DMRT1: variants seen among roughly 807,000 people sequenced by gnomAD.
DMRT1 encodes the protein doublesex- and mab-3-related transcription factor 1.
Under a neutral mutation model 32.3 loss-of-function variants are expected in DMRT1, and 7 were observed. That is an observed-to-expected ratio of 0.22 (90% CI 0.12 to 0.41). DMRT1 has a LOEUF of 0.41. DMRT1 is among the 10% of genes least tolerant of loss of function. DMRT1 has a pLI of 1.00. For missense variants in DMRT1, 625 were observed against 500.5 expected (o/e 1.25, Z -2.37); for synonymous variants, 278 against 206.1 (o/e 1.35, Z -2.99).
chr9:957,708 T>C (rs1819642967), intron 4 of DMRT1, among the ~76,000 whole-genome samples: 1 of 152,244 alleles, frequency 6.6e-6, no homozygotes, highest in Admixed American at 6.5e-5. Context: ...TTCCTCCTTC[T>C]ATTTTAGAAG....
intron 4 of DMRT1, among the ~76,000 whole-genome samples, chr9:948,687 G>T (rs1460197668): frequency 6.6e-6 from 1 of 151,992 alleles, no homozygotes; most frequent in Non-Finnish European, 1.5e-5. Flanking sequence ...AATCTGCCAG[G>T]CAGCAAACAG....
chr9:866,302 T>A (rs544808439), intron 2 of DMRT1, among the ~76,000 whole-genome samples: 1 of 151,980 alleles, frequency 6.6e-6, no homozygotes, highest in East Asian at 1.9e-4. Flanking sequence ...GTCAGGACAT[T>A]GCATATCAGA....
At chr9:879,886 G>A (rs759587602) in intron 2 of DMRT1, among the ~76,000 whole-genome samples, 1 of 152,134 alleles carries the variant, frequency 6.6e-6, no homozygotes, top group Non-Finnish European at 1.5e-5. Flanking sequence ...TCCAAATGTT[G>A]ACACATTTTA....
At chr9:928,406 G>T (rs1326962902) in intron 4 of DMRT1, among the ~76,000 whole-genome samples, 2 of 152,136 alleles carry the variant, frequency 1.3e-5, no homozygotes, top group African/African-American at 4.8e-5. Flanking sequence ...CATAAAATCT[G>T]GGTTAGGGAT....
intron 2 of DMRT1, among the ~76,000 whole-genome samples, chr9:888,276 G>A (rs973728436): frequency 1.3e-5 from 2 of 151,538 alleles, no homozygotes; most frequent in African/African-American, 4.9e-5. Flanking sequence ...TTAGGTAGAA[G>A]CCTAGCTTTT....
intron 4 of DMRT1, among the ~76,000 whole-genome samples, chr9:949,542 A>C (rs1819362950): frequency 6.6e-6 from 1 of 152,204 alleles, no homozygotes; most frequent in Non-Finnish European, 1.5e-5. Context: ...AAAGTTTCTT[A>C]CTGTCTGCTT....
At chr9:882,557 A>G (rs973240735) in intron 2 of DMRT1, among the ~76,000 whole-genome samples, 2 of 151,996 alleles carry the variant, frequency 1.3e-5, no homozygotes, top group East Asian at 1.9e-4. Context: ...TTCTCAGCCA[A>G]CACTTTGGGA....
chr9:878,206 C>T (rs910014605), intron 2 of DMRT1, among the ~76,000 whole-genome samples: 6 of 117,894 alleles, frequency 5.1e-5, no homozygotes, highest in Non-Finnish European at 1.0e-4. Flanking sequence ...TGCTGCCCCC[C>T]CCCCACCCAA....
intron 4 of DMRT1, among the ~76,000 whole-genome samples, chr9:954,324 G>A (rs1819524405): frequency 6.6e-6 from 1 of 152,076 alleles, no homozygotes; most frequent in African/African-American, 2.4e-5. Flanking sequence ...GACCGGATAG[G>A]GCACCAGATG....
At chr9:940,825 G>A (rs561227936) in intron 4 of DMRT1, among the ~76,000 whole-genome samples, 8 of 152,144 alleles carry the variant, frequency 5.3e-5, no homozygotes, top group Non-Finnish European at 1.2e-4. Context: ...AATACACAGA[G>A]ATCTGCTAAA....
intron 4 of DMRT1, among the ~76,000 whole-genome samples, chr9:945,368 C>A (rs1819208677): frequency 6.6e-6 from 1 of 152,146 alleles, no homozygotes; most frequent in Non-Finnish European, 1.5e-5. Context: ...GGTGGCCAGG[C>A]CGGTCTTGAA....
intron 3 of DMRT1, among the ~76,000 whole-genome samples, chr9:910,727 C>A (rs1314942921): frequency 6.6e-6 from 1 of 152,088 alleles, no homozygotes; most frequent in Non-Finnish European, 1.5e-5. Context: ...TGAGCATCCT[C>A]CACCAGCCAG....
chr9:931,004 A>G (rs549758207), intron 4 of DMRT1, among the ~76,000 whole-genome samples: 3 of 152,236 alleles, frequency 2.0e-5, no homozygotes, highest in African/African-American at 7.2e-5. Flanking sequence ...AACAATCCCC[A>G]TATTACTCCC....
At chr9:952,927 T>G (rs1423332284) in intron 4 of DMRT1, among the ~76,000 whole-genome samples, 1 of 152,234 alleles carries the variant, frequency 6.6e-6, no homozygotes, top group Admixed American at 6.5e-5. Context: ...TTGTTGATCA[T>G]TTTTTAAAGC....
intron 2 of DMRT1, among the ~76,000 whole-genome samples, chr9:872,850 G>C (rs1816332720): frequency 6.6e-6 from 1 of 152,108 alleles, no homozygotes; most frequent in South Asian, 2.1e-4. Context: ...GACTGCTAAG[G>C]TTTTTCAAAA....
At chr9:847,166 C>G (rs1486937582) in intron 2 of DMRT1, 23 bp downstream of exon 2, 1 of 1,609,566 alleles carries the variant, frequency 6.2e-7, no homozygotes, top group Non-Finnish European at 8.5e-7. Context: ...GGCTGGGGTT[C>G]ACATGGAGGC....
intron 2 of DMRT1, among the ~76,000 whole-genome samples, chr9:850,904 C>A (rs759405281): frequency 6.6e-6 from 1 of 151,942 alleles, no homozygotes; most frequent in Admixed American, 6.6e-5. Context: ...TGGCACACGC[C>A]TGTAATCCCA....
Position 842,113 on chromosome 9 carries a change from A to G in DMRT1, c.275A>G (p.Lys92Arg). 1 of 1,548,852 alleles carries G rather than the reference A, an allele frequency of 6.5e-7. No individual in the cohort carries two copies. Among genetic ancestry groups the G allele is most frequent in the Non-Finnish European group, 8.7e-7 (1 of 1,151,432 alleles). Residue 92 changes from lysine (K) to arginine (R), a missense_variant, in exon 1 of 5, where the codon AAG becomes AGG. Around this residue, in one of 3 missense-constraint regions of DMRT1, gnomAD observed 201 missense variants for 152.0 expected, o/e 1.32. Coordinates refer to ENST00000382276, the MANE Select transcript of DMRT1 (RefSeq NM_021951.3). ...TACGCCTCGCCGCTCAAGGGCCACA[A>G]GCGCTTCTGCATGTGGCGCGACTGC... ...HGYASPLKGH[K>R]RFCMWRDCQC...
chr9:859,069 C>G (rs1004377330), intron 2 of DMRT1, among the ~76,000 whole-genome samples: 1 of 152,058 alleles, frequency 6.6e-6, no homozygotes, highest in African/African-American at 2.4e-5. Flanking sequence ...TGAGGCCAGT[C>G]TCTTATGCAA....
Sources: gnomAD v4.1 joint callset for allele counts (sites outside exome capture counted in the v4.1 genomes callset) on GRCh38, gnomAD v4.1.1 for gene constraint, gnomAD v4.1.1 regional missense constraint, MANE v1.5 for transcripts, NCBI Gene and HGNC (gene_info 2026-07-23, HGNC 2026-07-21) for gene names.